ZNF804B: variants seen among roughly 807,000 people sequenced by gnomAD.
ZNF804B encodes zinc finger 804B.
ZNF804B carries 80 observed loss-of-function variants against 101.4 expected under a neutral mutation model. The ratio of observed to expected loss-of-function variants is 0.79; its 90% confidence interval spans 0.66 to 0.95. The LOEUF (loss-of-function observed/expected upper bound fraction) is 0.95. Among genes scored for constraint, ZNF804B ranks in the 40% least tolerant of loss-of-function variants. The pLI is 0.00. For missense variants in ZNF804B, 1,673 were observed against 1,561.9 expected (o/e 1.07, Z -1.20); for synonymous variants, 622 against 558.8 (o/e 1.11, Z -1.59).
intron 1 of ZNF804B, among the ~76,000 whole-genome samples, chr7:88,775,924 C>T (rs1790133990): frequency 6.6e-6 from 1 of 152,008 alleles, no homozygotes; most frequent in African/African-American, 2.4e-5. Context: ...GCATGTTGTC[C>T]CTCCAATTTT....
At chr7:88,838,606 A>G (rs889988884) in intron 1 of ZNF804B, among the ~76,000 whole-genome samples, 1 of 151,976 alleles carries the variant, frequency 6.6e-6, no homozygotes, top group Non-Finnish European at 1.5e-5. Context: ...AATATCTTTT[A>G]TTACACATTT....
At chr7:89,314,388 C>T (rs774425786) in intron 2 of ZNF804B, among the ~76,000 whole-genome samples, 3 of 152,060 alleles carry the variant, frequency 2.0e-5, no homozygotes, top group South Asian at 2.1e-4. Flanking sequence ...CTACACCTAC[C>T]AGTCATACTG....
At chr7:88,762,116 G>C (rs1233300916) in intron 1 of ZNF804B, among the ~76,000 whole-genome samples, 2 of 152,160 alleles carry the variant, frequency 1.3e-5, no homozygotes, top group Non-Finnish European at 2.9e-5. Flanking sequence ...TGACTCACTG[G>C]AAGGTTCTCT....
At chr7:89,092,324 G>A (rs1029392538) in intron 1 of ZNF804B, among the ~76,000 whole-genome samples, 1 of 151,434 alleles carries the variant, frequency 6.6e-6, no homozygotes, top group African/African-American at 2.4e-5. Context: ...TGAATTTTGG[G>A]GGAACACACA....
chr7:89,283,320 T>TA (rs1402299478), intron 2 of ZNF804B, among the ~76,000 whole-genome samples: 3 of 152,218 alleles, frequency 2.0e-5, no homozygotes, highest in South Asian at 2.1e-4. Context: ...GAAAGTTTTG[T>TA]AAAAAACAGT....
chr7:89,217,677 GA>G (rs1335533659), intron 1 of ZNF804B, among the ~76,000 whole-genome samples: 2 of 152,182 alleles, frequency 1.3e-5, no homozygotes, highest in African/African-American at 4.8e-5. Flanking sequence ...GATGCTTGTG[GA>G]GGAGGCTTTG....
At chr7:89,248,319 G>A (rs980586428) in intron 2 of ZNF804B, among the ~76,000 whole-genome samples, 12 of 151,858 alleles carry the variant, frequency 7.9e-5, no homozygotes, top group African/African-American at 1.9e-4. Context: ...GTCTGTTCAC[G>A]GTGAATGCTA....
intron 1 of ZNF804B, among the ~76,000 whole-genome samples, chr7:89,153,429 G>GATAATAATAATAATA (rs58654760): frequency 1.6e-4 from 23 of 145,536 alleles, no homozygotes; most frequent in Non-Finnish European, 2.6e-4. Context: ...TGATGATGAT[G>GATAATAATAATAATA]ATAATAATAA....
At chr7:88,999,950 A>G (rs1450767430) in intron 1 of ZNF804B, among the ~76,000 whole-genome samples, 1 of 151,962 alleles carries the variant, frequency 6.6e-6, no homozygotes, top group African/African-American at 2.4e-5. Context: ...TGTGATTTTT[A>G]CTCAATGCAT....
At chr7:89,120,210 C>CCA (rs1790379405) in intron 1 of ZNF804B, among the ~76,000 whole-genome samples, 1 of 151,988 alleles carries the variant, frequency 6.6e-6, no homozygotes, top group South Asian at 2.1e-4. Flanking sequence ...CTTGCTTGAA[C>CCA]CTAGGAGGCA....
intron 2 of ZNF804B, among the ~76,000 whole-genome samples, chr7:89,306,658 A>G (rs1172093702): frequency 6.6e-6 from 1 of 152,048 alleles, no homozygotes; most frequent in Admixed American, 6.6e-5. Flanking sequence ...AAAGTTATGT[A>G]GTTGACTTTC....
At chr7:88,979,582 CCTTT>C (rs1793665996) in intron 1 of ZNF804B, among the ~76,000 whole-genome samples, 2 of 149,124 alleles carry the variant, frequency 1.3e-5, no homozygotes, top group African/African-American at 5.0e-5. Context: ...TTTGCTTTTT[CCTTT>C]CTTTCTTTTT....
chr7:88,936,706 T>G (rs1792976776), intron 1 of ZNF804B, among the ~76,000 whole-genome samples: 1 of 152,022 alleles, frequency 6.6e-6, no homozygotes, highest in South Asian at 2.1e-4. Context: ...AGGGAGGGAA[T>G]AGAAGGAAAT....
intron 1 of ZNF804B, among the ~76,000 whole-genome samples, chr7:89,076,149 C>T (rs780672635): frequency 1.3e-5 from 2 of 152,044 alleles, no homozygotes; most frequent in African/African-American, 4.8e-5. Context: ...TTTGAGAAAC[C>T]GTTGGGAAGG....
chr7:89,031,386 C>A (rs186771781), intron 1 of ZNF804B, among the ~76,000 whole-genome samples: 444 of 151,992 alleles, frequency 2.9e-3, no homozygotes, highest in Middle Eastern at 0.01. Flanking sequence ...ATAATCATTT[C>A]TTTGTACAAC....
intron 1 of ZNF804B, among the ~76,000 whole-genome samples, chr7:89,166,902 G>A (rs1296471523): frequency 6.6e-6 from 1 of 152,084 alleles, no homozygotes; most frequent in Non-Finnish European, 1.5e-5. Context: ...ATCCAGTTAT[G>A]AATTAATACT....
At chr7:89,296,024 TA>T (rs1000025734) in intron 2 of ZNF804B, among the ~76,000 whole-genome samples, 2 of 151,978 alleles carry the variant, frequency 1.3e-5, no homozygotes, top group African/African-American at 4.8e-5. Context: ...AGGGAACGGA[TA>T]AAAAACTACA....
intron 1 of ZNF804B, among the ~76,000 whole-genome samples, chr7:88,969,343 C>G (rs974680433): frequency 2.0e-5 from 3 of 150,066 alleles, no homozygotes; most frequent in African/African-American, 7.5e-5. Flanking sequence ...TTTACTTTGC[C>G]TTGTATAAGA....
intron 1 of ZNF804B, among the ~76,000 whole-genome samples, chr7:88,840,227 C>T (rs1791275304): frequency 6.6e-6 from 1 of 152,160 alleles, no homozygotes; most frequent in African/African-American, 2.4e-5. Context: ...CAAAGCTATG[C>T]TCTGACCTCA....
Sources: gnomAD v4.1 joint callset for allele counts (sites outside exome capture counted in the v4.1 genomes callset) on GRCh38, gnomAD v4.1.1 for gene constraint, MANE v1.5 for transcripts, NCBI Gene and HGNC (gene_info 2026-07-23, HGNC 2026-07-21) for gene names.